The following ERI1 variants were observed in gnomAD, a reference collection of about 807,000 sequenced individuals.
The protein encoded by ERI1 is exoribonuclease 1.
Under a neutral mutation model 39.7 loss-of-function variants are expected in ERI1, and 39 were observed. The observed-to-expected ratio is 0.98, with a 90% CI of 0.76 to 1.28. The LOEUF is 1.28. Among genes scored for constraint, ERI1 ranks in the 50% most tolerant of loss-of-function variants. ERI1 has a pLI of 0.00. For synonymous variants in ERI1, 204 were observed against 149.6 expected, an observed-to-expected ratio of 1.36 and a Z score of -2.65; for missense variants, 581 against 416.9, an observed-to-expected ratio of 1.39 and a Z score of -3.43.
At chr8:9,085,463 C>T (rs1799494766) in intron 3 of ERI1, among the ~76,000 whole-genome samples, 2 of 152,148 alleles carry the variant, frequency 1.3e-5, no homozygotes, top group African/African-American at 4.8e-5. Context: ...CTGCCTCAGC[C>T]TCCCAAAGTG....
chr8:9,055,481 G>T (rs559550021), intron 3 of ERI1, among the ~76,000 whole-genome samples: 19 of 152,280 alleles, frequency 1.2e-4, no homozygotes, highest in Non-Finnish European at 2.4e-4. Context: ...CTTCTTCCTT[G>T]GTGTAGGGCA....
chr8:9,027,246 T>G (rs1797240220), intron 6 of ERI1, among the ~76,000 whole-genome samples: 1 of 151,836 alleles, frequency 6.6e-6, no homozygotes, highest in Non-Finnish European at 1.5e-5. Flanking sequence ...CCCTAATGAT[T>G]AGTGATGTTG....
chr8:9,005,589 G>A (rs57693332), intron 1 of ERI1, among the ~76,000 whole-genome samples: 5,660 of 147,110 alleles, frequency 0.038, 326 homozygotes, highest in African/African-American at 0.12. Flanking sequence ...GTCTCGGCTC[G>A]CTGCAAGCTC....
Position 9,020,465 on chromosome 8 carries a change from G to C in ERI1, c.807+1G>C. 1 of 1,547,046 alleles carries C rather than the reference G, an allele frequency of 6.5e-7. No homozygotes were observed. The highest frequency in any genetic ancestry group is 8.8e-7 in the Non-Finnish European group (1 of 1,133,520). ...GAAGTCATATGGAAATTTTTACAAG[G>C]TAAAATTTCTATATTTAATAATTAC... On this transcript the variant is annotated splice_donor_variant, in intron 6 of 6. Transcript: ENST00000250263. LOFTEE classifies it high-confidence loss of function.
chr8:9,035,015 G>A (rs1159256635), downstream of ERI1, among the ~76,000 whole-genome samples: 1 of 152,210 alleles, frequency 6.6e-6, no homozygotes, highest in Non-Finnish European at 1.5e-5. Flanking sequence ...GAGCAAGACT[G>A]TAACTGTCTC....
At chr8:9,049,152 A>G (rs1044545510) in intron 3 of ERI1, among the ~76,000 whole-genome samples, 1 of 151,738 alleles carries the variant, frequency 6.6e-6, no homozygotes, top group Non-Finnish European at 1.5e-5. Context: ...CTTGGCCAAC[A>G]TGGTGAAACC....
intron 3 of ERI1, among the ~76,000 whole-genome samples, chr8:9,041,252 G>A (rs1029401462): frequency 6.6e-6 from 1 of 152,266 alleles, no homozygotes; most frequent in East Asian, 1.9e-4. Context: ...GAAACCTTAA[G>A]TCGTAAAATT....
At chr8:9,073,662 T>G (rs1799124003) in intron 3 of ERI1, among the ~76,000 whole-genome samples, 1 of 152,216 alleles carries the variant, frequency 6.6e-6, no homozygotes, top group Non-Finnish European at 1.5e-5. Context: ...ATTATATTCT[T>G]CTGGTATGAA....
chr8:9,099,438 A>G (rs1313176422), intron 3 of ERI1, among the ~76,000 whole-genome samples: 3 of 150,746 alleles, frequency 2.0e-5, no homozygotes, highest in Non-Finnish European at 4.4e-5. Flanking sequence ...TCTACAAAAA[A>G]TAAAAAATTA....
At position 9,055,251 on chromosome 8, in the gene ERI1, T is replaced by C. The variant is rs779812231; in HGVS notation, n.299+34787T>C. 1.3e-5 allele frequency among the ~76,000 whole-genome samples: 2 copies of C among 152,222 alleles called. 1 individual carries two copies. The highest frequency in any genetic ancestry group is 2.9e-5 in the Non-Finnish European group (2 of 68,026). On this transcript the variant is annotated intron_variant and non_coding_transcript_variant, in intron 3 of 3. Transcript: ENST00000518663. ...AATTTAAACAGTTGGCCACATTTGA[T>C]TGGCCAAAACTCAGTGATTGGCACA...
At chr8:9,023,906 C>G (rs1029803313) in intron 6 of ERI1, among the ~76,000 whole-genome samples, 1 of 141,312 alleles carries the variant, frequency 7.1e-6, no homozygotes, top group African/African-American at 2.6e-5. Flanking sequence ...TCAAGCAGTT[C>G]TCCTGCCTCA....
intron 3 of ERI1, among the ~76,000 whole-genome samples, chr8:9,087,400 C>T (rs974890384): frequency 4.7e-5 from 7 of 148,056 alleles, no homozygotes; most frequent in Non-Finnish European, 1.0e-4. Flanking sequence ...GTGCATGTCA[C>T]CATATGTGGC....
At position 9,029,830 on chromosome 8, in the gene ERI1, A is replaced by T; in HGVS notation, c.846A>T (p.Glu282Asp). 2 of 1,614,200 alleles carry T rather than the reference A, an allele frequency of 1.2e-6. No individual in the cohort carries two copies. Among genetic ancestry groups the T allele is most frequent in the Non-Finnish European group, 8.5e-7 (1 of 1,180,022 alleles). Reference protein sequence around the residue: ...RSQTKLTIMLEKLGMDYDGRP... With the variant: ...RSQTKLTIMLDKLGMDYDGRP... ...AAACCAAACTGACAATAATGCTTGA[A>T]AAATTAGGAATGGATTATGATGGGC... Residue 282 changes from glutamate (E) to aspartate (D), a missense_variant, in exon 7 of 7, where the codon GAA (glutamate) becomes GAT (aspartate). By Grantham distance (45) the Glu-to-Asp change is conservative. Coordinates refer to ENST00000250263, the MANE Select transcript of ERI1 (RefSeq NM_153332.4).
intron 3 of ERI1, among the ~76,000 whole-genome samples, chr8:9,093,710 G>A (rs1461186475): frequency 6.6e-6 from 1 of 152,118 alleles, no homozygotes; most frequent in Non-Finnish European, 1.5e-5. Context: ...TGGGATTACA[G>A]GCACATGCCA....
chr8:9,058,806 CAAAA>C (rs376725346), intron 3 of ERI1, among the ~76,000 whole-genome samples: 4 of 147,990 alleles, frequency 2.7e-5, no homozygotes, highest in Non-Finnish European at 6.0e-5. Context: ...TGAAATAGGC[CAAAA>C]AAAATAAATA....
chr8:9,034,452 C>G (rs946759923), downstream of ERI1, among the ~76,000 whole-genome samples: 2 of 152,150 alleles, frequency 1.3e-5, no homozygotes, highest in African/African-American at 4.8e-5. Flanking sequence ...CACTTCATGT[C>G]TCATATTTTG....
At chr8:9,084,655 A>G (rs986956351) in intron 3 of ERI1, among the ~76,000 whole-genome samples, 3 of 152,296 alleles carry the variant, frequency 2.0e-5, no homozygotes, top group South Asian at 4.1e-4. Flanking sequence ...CTGCAATGGC[A>G]TTCTGGGGGC....
At chr8:9,020,843 T>TC (rs1817808676) in intron 6 of ERI1, among the ~76,000 whole-genome samples, 1 of 152,230 alleles carries the variant, frequency 6.6e-6, no homozygotes, top group Non-Finnish European at 1.5e-5. Flanking sequence ...ATGGCAGTCT[T>TC]CTGCCATAGC....
chr8:9,081,495 G>A (rs909155679), intron 3 of ERI1, among the ~76,000 whole-genome samples: 1 of 151,946 alleles, frequency 6.6e-6, no homozygotes, highest in Admixed American at 6.6e-5. Flanking sequence ...AATCCCTCAG[G>A]CATTGCCAGC....
Sources: allele counts gnomAD v4.1 joint callset (sites outside exome capture counted in the v4.1 genomes callset), GRCh38; gene constraint gnomAD v4.1.1; transcripts MANE v1.5; gene names NCBI Gene and HGNC (gene_info 2026-07-23, HGNC 2026-07-21).